FMN2: variants seen among roughly 807,000 people sequenced by gnomAD.
The protein encoded by FMN2 is formin-2.
FMN2 carries 51 observed loss-of-function variants against 142.3 expected under a neutral mutation model. That is an observed-to-expected ratio of 0.36 (90% CI 0.29 to 0.45). FMN2 has a LOEUF of 0.45. Ranked by LOEUF, FMN2 falls within the 20% of genes least tolerant of loss-of-function variation. FMN2 has a pLI of 1.00. For synonymous variants in FMN2, 882 were observed against 869.8 expected (o/e 1.01, Z -0.25); for missense variants, 1,936 against 2,122.8 (o/e 0.91, Z 1.73).
rs1410606210 is a variant in FMN2, at chr1:240,475,057, T to A, written c.*903T>A. ...CAGTGTGTATATTACCATTCTCCAA[T>A]GAAATAATAGGGCATTTAACAAAGA... is the stretch of plus-strand genomic sequence containing the variant. On this transcript the variant is annotated 3_prime_UTR_variant, in exon 18 of 18. Transcript: ENST00000319653. 2 of 152,558 alleles carry A rather than the reference T, an allele frequency of 1.3e-5. No homozygotes were observed. The highest frequency in any genetic ancestry group is 2.9e-5 in the Non-Finnish European group (2 of 68,010). The allele number at this position is 152,558 out of a possible 1,614,324, so 9.5% of individuals were successfully genotyped here.
chr1:240,461,463 GAA>G (rs1403328191), intron 16 of FMN2, among the ~76,000 whole-genome samples: 1 of 152,176 alleles, frequency 6.6e-6, no homozygotes, highest in Non-Finnish European at 1.5e-5. Flanking sequence ...AATAGAGAGA[GAA>G]AAGGCACTCT....
intron 15 of FMN2, among the ~76,000 whole-genome samples, chr1:240,435,887 G>A (rs1675351107): frequency 6.6e-6 from 1 of 152,168 alleles, no homozygotes; most frequent in Non-Finnish European, 1.5e-5. Context: ...GAAATAATCA[G>A]TTTTATGAAG....
intron 6 of FMN2, among the ~76,000 whole-genome samples, chr1:240,246,935 T>TC (rs1668102049): frequency 2.0e-5 from 3 of 152,198 alleles, no homozygotes; most frequent in Admixed American, 6.5e-5. Flanking sequence ...GAGTGTACTC[T>TC]CCTCTTCATT....
intron 2 of FMN2, among the ~76,000 whole-genome samples, chr1:240,176,413 C>A (rs1030172283): frequency 2.0e-5 from 3 of 152,164 alleles, no homozygotes; most frequent in African/African-American, 7.2e-5. Context: ...TGTGAAAGGT[C>A]CATGTGATAC....
intron 13 of FMN2, among the ~76,000 whole-genome samples, chr1:240,344,311 A>G (rs10495465): frequency 0.081 from 12,311 of 152,244 alleles, 572 homozygotes; most frequent in East Asian, 0.15. Context: ...ATGCTTCTTA[A>G]TAAAATTGTG....
intron 4 of FMN2, among the ~76,000 whole-genome samples, chr1:240,205,769 T>G (rs1666324351): frequency 6.6e-6 from 1 of 151,928 alleles, no homozygotes; most frequent in Non-Finnish European, 1.5e-5. Flanking sequence ...CCAATGCCCT[T>G]CTTTCTACTC....
intron 16 of FMN2, among the ~76,000 whole-genome samples, chr1:240,466,826 C>T (rs897230202): frequency 6.6e-6 from 1 of 152,198 alleles, no homozygotes; most frequent in Non-Finnish European, 1.5e-5. Flanking sequence ...CCCTAACCTT[C>T]TCTAGGTGCG....
intron 8 of FMN2, among the ~76,000 whole-genome samples, chr1:240,297,594 CAAAA>C (rs57504077): frequency 4.5e-5 from 4 of 88,782 alleles, no homozygotes; most frequent in African/African-American, 1.3e-4. Flanking sequence ...GACTCCATCT[CAAAA>C]AAAAAAAAAA....
chr1:240,445,643 C>T (rs1285161695), intron 16 of FMN2, among the ~76,000 whole-genome samples: 1 of 151,164 alleles, frequency 6.6e-6, no homozygotes, highest in African/African-American at 2.4e-5. Context: ...CATTCAGGCC[C>T]TGGTAAGTCA....
chr1:240,171,873 T>C (rs1207964882), intron 2 of FMN2, among the ~76,000 whole-genome samples: 1 of 127,894 alleles, frequency 7.8e-6, no homozygotes, highest in Non-Finnish European at 1.6e-5. Flanking sequence ...TTAAAGTTTC[T>C]CATATGCCTA....
chr1:240,468,669 A>G (rs1464607280), intron 16 of FMN2, among the ~76,000 whole-genome samples: 1 of 152,182 alleles, frequency 6.6e-6, no homozygotes, highest in Non-Finnish European at 1.5e-5. Flanking sequence ...TGACATGACC[A>G]TCTTTTTTCT....
chr1:240,340,928 A>G (rs1433868400), intron 13 of FMN2, among the ~76,000 whole-genome samples: 2 of 152,100 alleles, frequency 1.3e-5, no homozygotes, highest in African/African-American at 2.4e-5. Context: ...CCCAAGTATT[A>G]CTTCACTTTT....
intron 1 of FMN2, among the ~76,000 whole-genome samples, chr1:240,120,036 C>T (rs1662172183): frequency 6.6e-6 from 1 of 152,076 alleles, no homozygotes; most frequent in South Asian, 2.1e-4. Flanking sequence ...GTTATTTCCC[C>T]TCCAAAAAAT....
intron 8 of FMN2, among the ~76,000 whole-genome samples, chr1:240,309,394 G>A (rs1281246439): frequency 1.3e-5 from 2 of 152,230 alleles, no homozygotes; most frequent in Non-Finnish European, 2.9e-5. Flanking sequence ...CAGTGAACGT[G>A]AAGCCCAGAG....
At chr1:240,471,748 G>A (rs1388900249) in intron 16 of FMN2, 1 of 152,410 alleles carries the variant, frequency 6.6e-6, no homozygotes, top group Non-Finnish European at 1.5e-5. Flanking sequence ...CTGTTGCCCA[G>A]GCTAGAGTGC....
At chr1:240,289,310 A>G (rs927163925) in intron 7 of FMN2, among the ~76,000 whole-genome samples, 2 of 152,132 alleles carry the variant, frequency 1.3e-5, no homozygotes, top group African/African-American at 4.8e-5. Context: ...AATGTAAGGC[A>G]TGTACTAACA....
chr1:240,214,467 C>T (rs762084551), intron 6 of FMN2, among the ~76,000 whole-genome samples: 1 of 150,054 alleles, frequency 6.7e-6, no homozygotes, highest in Non-Finnish European at 1.5e-5. Context: ...AGGAGAATGG[C>T]GTGAACCCGG....
intron 15 of FMN2, among the ~76,000 whole-genome samples, chr1:240,406,323 G>C (rs113707027): frequency 7.2e-4 from 67 of 93,488 alleles, no homozygotes; most frequent in South Asian, 1.6e-3. Flanking sequence ...CCTCGGGAGT[G>C]GGGGGAGCGA....
Position 240,195,286 on chromosome 1 carries a change from C to G in FMN2, c.1986+7024C>G, listed in dbSNP as rs139316522. Among the ~76,000 whole-genome samples the G allele has an allele frequency of 2.0e-3, 304 of 152,342 alleles. 1 individual carries two copies. The highest frequency in any genetic ancestry group is 7.1e-3 in the African/African-American group (295 of 41,588). On this transcript the variant is annotated intron_variant, in intron 4 of 17. Transcript: ENST00000319653. The stretch of plus-strand genomic sequence containing the variant: ...GAGGTGAAGCTCTGCTTTCTTCTTT[C>G]AGCTCTCATTCTGTAAATAAGAGTG...
Sources: allele counts gnomAD v4.1 joint callset (sites outside exome capture counted in the v4.1 genomes callset), GRCh38; gene constraint gnomAD v4.1.1; transcripts MANE v1.5; gene names NCBI Gene and HGNC (gene_info 2026-07-23, HGNC 2026-07-21).